Variants in CCDC148 observed in about 807,000 individuals in gnomAD.
CCDC148 encodes the protein coiled-coil domain-containing protein 148.
In CCDC148, 89 loss-of-function variants were observed where a neutral mutation model predicts 85.7. The ratio of observed to expected loss-of-function variants is 1.04; its 90% CI spans 0.87 to 1.24. The LOEUF is 1.24. Among genes scored for constraint, CCDC148 ranks in the 50% most tolerant of loss-of-function variants. The pLI is 0.00. For synonymous variants in CCDC148, 230 were observed against 213.9 expected, an observed-to-expected ratio of 1.08 and a Z score of -0.66; for missense variants, 692 against 671.7, an observed-to-expected ratio of 1.03 and a Z score of -0.33.
At chr2:158,258,157 A>G (rs1392230745) in intron 9 of CCDC148, among the ~76,000 whole-genome samples, 2 of 151,880 alleles carry the variant, frequency 1.3e-5, no homozygotes, top group Non-Finnish European at 2.9e-5. Context: ...AAAATAACAG[A>G]GATGTCAATG....
chr2:158,279,155 T>G (rs889931336), intron 9 of CCDC148, among the ~76,000 whole-genome samples: 7 of 151,884 alleles, frequency 4.6e-5, no homozygotes, highest in East Asian at 1.9e-4. Context: ...ACACCAAAAG[T>G]AGATAAAACC....
At chr2:158,235,222 G>A (rs1013770436) in intron 10 of CCDC148, among the ~76,000 whole-genome samples, 1 of 152,148 alleles carries the variant, frequency 6.6e-6, no homozygotes, top group Non-Finnish European at 1.5e-5. Flanking sequence ...GTCTGGCCAA[G>A]GAAATTAATA....
At chr2:158,301,996 T>G (rs975540553) in intron 9 of CCDC148, among the ~76,000 whole-genome samples, 1 of 152,244 alleles carries the variant, frequency 6.6e-6, no homozygotes, top group Non-Finnish European at 1.5e-5. Context: ...TTTGACTTAG[T>G]CATGTTTATA....
chr2:158,307,295 C>A (rs1047626985), intron 9 of CCDC148, among the ~76,000 whole-genome samples: 3 of 152,018 alleles, frequency 2.0e-5, no homozygotes, highest in Non-Finnish European at 4.4e-5. Flanking sequence ...AAAGAGGATA[C>A]CCAAATGGCT....
At chr2:158,436,140 A>G (rs1687641055) in intron 1 of CCDC148, among the ~76,000 whole-genome samples, 1 of 152,224 alleles carries the variant, frequency 6.6e-6, no homozygotes. Flanking sequence ...ATAGACATCC[A>G]CAGAACTCTC....
rs1403128348 is a variant in CCDC148 at position 158,437,469 on chromosome 2, G to A, written c.25+18946C>T. Among the ~76,000 whole-genome samples the A allele has an allele frequency of 2.6e-5, 4 of 152,082 alleles. No homozygotes were observed. The East Asian group carries it at 7.7e-4, about 29-fold the overall frequency. The stretch of plus-strand genomic sequence containing the variant: ...CTCTTAATAAATTAGGTATTGATGG[G>A]ACATATCTCAAAATAATAAGAACTA... On this transcript the variant is annotated intron_variant, in intron 1 of 13. Transcript: ENST00000283233.
At chr2:158,281,564 A>G (rs1347043102) in intron 9 of CCDC148, among the ~76,000 whole-genome samples, 1 of 152,202 alleles carries the variant, frequency 6.6e-6, no homozygotes, top group Non-Finnish European at 1.5e-5. Flanking sequence ...ACACTCTCCC[A>G]AGACTAAACC....
intron 1 of CCDC148, among the ~76,000 whole-genome samples, chr2:158,369,272 C>T (rs188726408): frequency 1.6e-4 from 24 of 152,152 alleles, no homozygotes; most frequent in African/African-American, 5.3e-4. Context: ...GCAGTATGGC[C>T]ATTTTCATGA....
rs200062573 is a variant in CCDC148, at chr2:158,313,906, A to G, written c.765-12T>C. 1 of 1,608,882 alleles carries G rather than the reference A, an allele frequency of 6.2e-7. No homozygotes were observed. The highest frequency in any genetic ancestry group is 2.2e-5 in the East Asian group (1 of 44,740). On this transcript the variant is annotated splice_polypyrimidine_tract_variant and intron_variant, in intron 7 of 13. Transcript: ENST00000283233. ...TTAGTTGACAGTTTCTAGAAGCAAC[A>G]AAAATGTCACAACATATTATTGAGC... is the stretch of plus-strand genomic sequence containing the variant.
chr2:158,351,989 A>G lies in CCDC148; in HGVS notation c.147+6460T>C, dbSNP rs1392740503. 3.7e-3 allele frequency among the ~76,000 whole-genome samples: 521 copies of G among 142,584 alleles called. 4 individuals are homozygous for G. The highest frequency in any genetic ancestry group is 0.013 in the African/African-American group (483 of 36,332). 93.5% of individuals were successfully genotyped at this position (142,584 alleles called of 152,430 possible). ...ACACTGACACCTCACACGGCAGGGT[A>G]TTCCAACAGACCTGCAGCTGAGGGT... On this transcript the variant is annotated intron_variant, in intron 2 of 13. Transcript: ENST00000283233.
At chr2:158,256,842 T>A (rs1169611933) in intron 9 of CCDC148, among the ~76,000 whole-genome samples, 1 of 151,748 alleles carries the variant, frequency 6.6e-6, no homozygotes, top group Admixed American at 6.6e-5. Flanking sequence ...TCTCTACTTC[T>A]CTAGCACATT....
chr2:158,183,129 G>A (rs192500680), intron 11 of CCDC148, among the ~76,000 whole-genome samples: 5 of 152,164 alleles, frequency 3.3e-5, no homozygotes, highest in East Asian at 1.9e-4. Context: ...AGGCATTTTC[G>A]ACTTCTCTTG....
intron 9 of CCDC148, among the ~76,000 whole-genome samples, chr2:158,278,749 C>T (rs558168811): frequency 1.3e-5 from 2 of 152,392 alleles, no homozygotes; most frequent in Admixed American, 6.5e-5. Flanking sequence ...TTAAATGTCC[C>T]TGTCTGACAG....
chr2:158,300,404 G>C (rs1469309062), intron 9 of CCDC148, among the ~76,000 whole-genome samples: 1 of 152,132 alleles, frequency 6.6e-6, no homozygotes, highest in Non-Finnish European at 1.5e-5. Flanking sequence ...TGGGGAAATA[G>C]AGTTTTTAGT....
At chr2:158,418,824 T>C (rs1686633177) in intron 1 of CCDC148, among the ~76,000 whole-genome samples, 1 of 152,140 alleles carries the variant, frequency 6.6e-6, no homozygotes, top group Admixed American at 6.5e-5. Flanking sequence ...ATGCCTGGCA[T>C]ATAGGAAGCA....
At chr2:158,450,386 A>G (rs1688357582) in intron 1 of CCDC148, among the ~76,000 whole-genome samples, 1 of 152,220 alleles carries the variant, frequency 6.6e-6, no homozygotes. Flanking sequence ...AGCACTGAGT[A>G]AAGAGCTGCT....
At chr2:158,379,176 G>A (rs191231066) in intron 1 of CCDC148, among the ~76,000 whole-genome samples, 190 of 152,284 alleles carry the variant, frequency 1.2e-3, no homozygotes, top group Non-Finnish European at 2.0e-3. Flanking sequence ...CAAGAGTTTG[G>A]AAGAGGTTGA....
chr2:158,203,971 A>AATTCCTT lies in CCDC148; in HGVS notation c.1370+16617_1370+16623dup, dbSNP rs539671644. ...AGGCAAACATAAATAACCAAGAGAC[A>AATTCCTT]ATTCCTTATTCCTGTAGTTTAAACA... is the stretch of plus-strand genomic sequence containing the variant. On this transcript the variant is annotated intron_variant, in intron 11 of 13. Coordinates refer to ENST00000283233, the MANE Select transcript of CCDC148 (RefSeq NM_138803.4). Among the ~76,000 whole-genome samples, 52 of 152,324 alleles carry AATTCCTT rather than the reference A, an allele frequency of 3.4e-4. No homozygotes were observed. The East Asian group carries it at 9.4e-3, about 28-fold the overall frequency.
intron 1 of CCDC148, among the ~76,000 whole-genome samples, chr2:158,433,081 A>AC (rs1687433909): frequency 6.6e-5 from 3 of 45,446 alleles, no homozygotes; most frequent in Non-Finnish European, 2.0e-4. Flanking sequence ...CTACAAAAAA[A>AC]AAAAAAAAAA....
Sources: gnomAD v4.1 joint callset for allele counts (sites outside exome capture counted in the v4.1 genomes callset) on GRCh38, gnomAD v4.1.1 for gene constraint, MANE v1.5 for transcripts, NCBI Gene and HGNC (gene_info 2026-07-23, HGNC 2026-07-21) for gene names.